Variants in NYAP2 observed in about 807,000 individuals in gnomAD.
NYAP2 encodes neuronal tyrosine-phosphorylated phosphoinositide-3-kinase adaptor 2.
Under a neutral mutation model 50.4 loss-of-function variants are expected in NYAP2, and 23 were observed. The ratio of observed to expected loss-of-function variants is 0.46; its 90% CI spans 0.33 to 0.65. The LOEUF is 0.65. NYAP2 is among the 30% of genes least tolerant of loss of function. The pLI is 0.02. For synonymous variants in NYAP2, 394 were observed against 365.2 expected (o/e 1.08, Z -0.90); for missense variants, 885 against 861.0 (o/e 1.03, Z -0.35).
At chr2:225,620,769 G>C (rs1319859609) in intron 5 of NYAP2, among the ~76,000 whole-genome samples, 1 of 152,136 alleles carries the variant, frequency 6.6e-6, no homozygotes, top group Non-Finnish European at 1.5e-5. Context: ...TTCCAAAGCT[G>C]TAGGCTTTTA....
chr2:225,412,576 A>G (rs894202022), intron 3 of NYAP2, among the ~76,000 whole-genome samples: 1 of 152,064 alleles, frequency 6.6e-6, no homozygotes, highest in African/African-American at 2.4e-5. Flanking sequence ...AAGTCAATAC[A>G]TAGATTTAAA....
intron 6 of NYAP2, among the ~76,000 whole-genome samples, chr2:225,646,984 G>C (rs1693646292): frequency 6.6e-6 from 1 of 152,024 alleles, no homozygotes; most frequent in African/African-American, 2.4e-5. Flanking sequence ...AAACAGGTTT[G>C]GTCTGACCAG....
the NYAP2 span, among the ~76,000 whole-genome samples, chr2:225,669,457 T>C: frequency 6.6e-6 from 1 of 152,160 alleles, no homozygotes; most frequent in Non-Finnish European, 1.5e-5. Flanking sequence ...CAACTGATTA[T>C]GTGTTACAAA....
At chr2:225,596,484 T>C (rs1307293983) in intron 5 of NYAP2, among the ~76,000 whole-genome samples, 1 of 152,176 alleles carries the variant, frequency 6.6e-6, no homozygotes, top group Non-Finnish European at 1.5e-5. Context: ...GCATCCGACC[T>C]CCCCAATTAA....
the NYAP2 span, among the ~76,000 whole-genome samples, chr2:225,665,275 T>C: frequency 6.6e-6 from 1 of 152,290 alleles, no homozygotes; most frequent in South Asian, 2.1e-4. Context: ...CCTTGGGTGA[T>C]TTAGCACTTG....
chr2:225,476,837 TAA>T (rs1341586160), intron 3 of NYAP2, among the ~76,000 whole-genome samples: 2 of 152,206 alleles, frequency 1.3e-5, no homozygotes, highest in Non-Finnish European at 2.9e-5. Flanking sequence ...ATAATAATTA[TAA>T]AGTGATGAGT....
upstream of NYAP2, among the ~76,000 whole-genome samples, chr2:225,398,431 A>AT (rs943975142): frequency 1.2e-3 from 186 of 150,148 alleles, no homozygotes; most frequent in Admixed American, 4.0e-3. Flanking sequence ...TCTGTCAATA[A>AT]TTTTTTTTTT....
chr2:225,609,058 T>A (rs1692836896), intron 5 of NYAP2, among the ~76,000 whole-genome samples: 1 of 152,154 alleles, frequency 6.6e-6, no homozygotes, highest in Admixed American at 6.6e-5. Flanking sequence ...TTACTTCTTG[T>A]CATATTCTTG....
the NYAP2 span, among the ~76,000 whole-genome samples, chr2:225,672,484 A>G: frequency 1.3e-5 from 2 of 152,132 alleles, no homozygotes; most frequent in South Asian, 4.1e-4. Flanking sequence ...CACACCACTA[A>G]AACTTTCTCC....
intron 3 of NYAP2, among the ~76,000 whole-genome samples, chr2:225,480,471 T>C (rs1308030556): frequency 6.6e-6 from 1 of 152,052 alleles, no homozygotes; most frequent in Non-Finnish European, 1.5e-5. Flanking sequence ...GAGCTAGCAC[T>C]TGAAGGAATG....
exon 7 of NYAP2, chr2:225,651,814 T>C (rs1693737489): frequency 4.3e-6 from 2 of 460,966 alleles, no homozygotes; most frequent in East Asian, 8.1e-5. Context: ...AATATAAATG[T>C]AGTAAACTTG....
chr2:225,411,267 A>G (rs556556078), intron 3 of NYAP2, among the ~76,000 whole-genome samples: 1 of 152,178 alleles, frequency 6.6e-6, no homozygotes, highest in Non-Finnish European at 1.5e-5. Flanking sequence ...GTAGTTGAGC[A>G]AGAGAAAAGA....
intron 3 of NYAP2, among the ~76,000 whole-genome samples, chr2:225,427,625 CCTT>C (rs887985486): frequency 6.6e-6 from 1 of 152,182 alleles, no homozygotes; most frequent in African/African-American, 2.4e-5. Context: ...CTCACTGAAA[CCTT>C]CTCTGGTCTT....
At chr2:225,626,861 A>G in intron 5 of NYAP2, 56 bp from the exon 6 acceptor site, 1 of 1,324,654 alleles carries the variant, frequency 7.5e-7, no homozygotes, top group Non-Finnish European at 1.1e-6. Flanking sequence ...TTTTGAAAGT[A>G]ATTTAGGAAG....
chr2:225,453,319 T>C (rs1271413184), intron 3 of NYAP2, among the ~76,000 whole-genome samples: 1 of 152,300 alleles, frequency 6.6e-6, no homozygotes, highest in South Asian at 2.1e-4. Flanking sequence ...TATCAGTGCT[T>C]CTCAGACTCT....
chr2:225,658,178 C>T (rs2106276428), downstream of NYAP2, among the ~76,000 whole-genome samples: 5 of 152,274 alleles, frequency 3.3e-5, no homozygotes, highest in African/African-American at 1.2e-4. Flanking sequence ...TAACACACAG[C>T]TTCTCACCAC....
At chr2:225,560,063 T>C (rs1691845620) in intron 4 of NYAP2, among the ~76,000 whole-genome samples, 2 of 152,114 alleles carry the variant, frequency 1.3e-5, no homozygotes, top group South Asian at 4.1e-4. Context: ...ATATTACATA[T>C]GCAAAAAAGA....
At chr2:225,427,011 A>G (rs1695297740) in intron 3 of NYAP2, among the ~76,000 whole-genome samples, 1 of 152,208 alleles carries the variant, frequency 6.6e-6, no homozygotes, top group South Asian at 2.1e-4. Context: ...AGTTCCAACC[A>G]AAATTATTCT....
At chr2:225,571,545 A>G (rs1404324124) in intron 4 of NYAP2, among the ~76,000 whole-genome samples, 1 of 152,230 alleles carries the variant, frequency 6.6e-6, no homozygotes, top group African/African-American at 2.4e-5. Flanking sequence ...CATCCTTTGA[A>G]GCAATGGCCG....
Sources: gnomAD v4.1 joint callset for allele counts (sites outside exome capture counted in the v4.1 genomes callset) on GRCh38, gnomAD v4.1.1 for gene constraint, MANE v1.5 for transcripts, NCBI Gene and HGNC (gene_info 2026-07-23, HGNC 2026-07-21) for gene names.